Variants in ADGRL2 observed in about 807,000 individuals in gnomAD.
The protein encoded by ADGRL2 is adhesion G protein-coupled receptor L2.
ADGRL2 carries 44 observed loss-of-function variants against 157.4 expected under a neutral mutation model. That is an observed-to-expected ratio of 0.28 (90% CI 0.22 to 0.36). ADGRL2 has a LOEUF of 0.36. ADGRL2 is among the 10% of genes least tolerant of loss of function. The pLI is 1.00. For synonymous variants in ADGRL2, 585 were observed against 624.7 expected (o/e 0.94, Z 0.95); for missense variants, 1,510 against 1,768.9 (o/e 0.85, Z 2.63).
chr1:81,618,792 T>A (rs2081721696), intron 3 of ADGRL2, among the ~76,000 whole-genome samples: 1 of 152,222 alleles, frequency 6.6e-6, no homozygotes, highest in African/African-American at 2.4e-5. Flanking sequence ...AAAATACTTT[T>A]AATTATCTCA....
At chr1:81,663,456 G>A (rs2082697345) in intron 3 of ADGRL2, among the ~76,000 whole-genome samples, 1 of 152,172 alleles carries the variant, frequency 6.6e-6, no homozygotes, top group Non-Finnish European at 1.5e-5. Context: ...TCTCGGGAAT[G>A]CTTGTGCTAG....
intron 1 of ADGRL2, among the ~76,000 whole-genome samples, chr1:81,422,323 C>A (rs926302243): frequency 6.6e-6 from 1 of 152,172 alleles, no homozygotes; most frequent in African/African-American, 2.4e-5. Context: ...CAGCTCACTG[C>A]AATCTCCACC....
chr1:81,584,508 G>C (rs1570570402), intron 3 of ADGRL2, among the ~76,000 whole-genome samples: 1 of 152,114 alleles, frequency 6.6e-6, no homozygotes, highest in Non-Finnish European at 1.5e-5. Flanking sequence ...ATGTATGAAA[G>C]CACTTTTTCT....
At chr1:81,494,842 A>G (rs889929704) in intron 2 of ADGRL2, among the ~76,000 whole-genome samples, 3 of 152,162 alleles carry the variant, frequency 2.0e-5, no homozygotes, top group Non-Finnish European at 4.4e-5. Context: ...TTCAGAGCTG[A>G]CACATCCCAA....
chr1:81,521,519 AT>A (rs2079314372), intron 2 of ADGRL2, among the ~76,000 whole-genome samples: 1 of 152,196 alleles, frequency 6.6e-6, no homozygotes, highest in Non-Finnish European at 1.5e-5. Flanking sequence ...TGTAATAAAA[AT>A]ATCTTATACT....
intron 2 of ADGRL2, among the ~76,000 whole-genome samples, chr1:81,847,467 G>A (rs563325067): frequency 5.9e-5 from 9 of 151,828 alleles, no homozygotes; most frequent in Non-Finnish European, 1.0e-4. Context: ...GTTAAAAATC[G>A]AGGTTTGTTT....
chr1:81,323,388 A>G (rs1029178557), intron 1 of ADGRL2, among the ~76,000 whole-genome samples: 2 of 149,652 alleles, frequency 1.3e-5, no homozygotes, highest in Non-Finnish European at 3.0e-5. Context: ...CATAGGTACG[A>G]GCCATTGTAC....
At chr1:81,908,170 G>A (rs550230219) in intron 3 of ADGRL2, among the ~76,000 whole-genome samples, 212 of 152,216 alleles carry the variant, frequency 1.4e-3, no homozygotes, top group Non-Finnish European at 2.1e-3. Flanking sequence ...GTGTGTAGTA[G>A]GCTATACTAT....
chr1:81,721,261 A>T (rs1432224788), intron 1 of ADGRL2, among the ~76,000 whole-genome samples: 2 of 151,712 alleles, frequency 1.3e-5, no homozygotes, highest in Non-Finnish European at 2.9e-5. Flanking sequence ...TTATAATCAA[A>T]ATTTAACTCA....
upstream of ADGRL2, among the ~76,000 whole-genome samples, chr1:81,797,369 C>A (rs2087640531): frequency 1.3e-5 from 2 of 151,996 alleles, no homozygotes; most frequent in East Asian, 1.9e-4. Flanking sequence ...AAAATACACT[C>A]CCCATAATAG....
At chr1:81,543,149 G>A (rs2079928781) in intron 2 of ADGRL2, among the ~76,000 whole-genome samples, 1 of 151,998 alleles carries the variant, frequency 6.6e-6, no homozygotes, top group Non-Finnish European at 1.5e-5. Context: ...GAACATATAT[G>A]CTATGGTCTG....
intron 2 of ADGRL2, among the ~76,000 whole-genome samples, chr1:81,485,911 A>G (rs896962859): frequency 6.6e-6 from 1 of 152,192 alleles, no homozygotes; most frequent in Non-Finnish European, 1.5e-5. Context: ...TAACCTCCAC[A>G]AGATCAGACA....
chr1:81,736,159 A>AAAGGAGTC (rs2084895001), intron 1 of ADGRL2, among the ~76,000 whole-genome samples: 1 of 151,054 alleles, frequency 6.6e-6, no homozygotes, highest in African/African-American at 2.4e-5. Flanking sequence ...AAAAAAAAAA[A>AAAGGAGTC]AAGGAGTCAA....
At chr1:81,463,265 A>G (rs2077979458) in intron 2 of ADGRL2, among the ~76,000 whole-genome samples, 1 of 151,950 alleles carries the variant, frequency 6.6e-6, no homozygotes, top group Non-Finnish European at 1.5e-5. Context: ...CTCCTTTGCT[A>G]GATGCACCTG....
In ADGRL2 at chr1:81,395,333, TTGAGAGAGATGC is replaced by T. The variant is rs370720776; in HGVS notation, c.-301-49701_-301-49690del. Among the ~76,000 whole-genome samples, 594 of 152,300 alleles carry T rather than the reference TTGAGAGAGATGC, an allele frequency of 3.9e-3. 5 individuals carry two copies. Among genetic ancestry groups the T allele is most frequent in the African/African-American group, 0.013 (542 of 41,556 alleles). On this transcript the variant is annotated intron_variant, in intron 1 of 24. Transcript: ENST00000370721. ...TTCTTGGCCACTTGTATGTCTTTTTTTGAGAGAGATGCTTATTCAACTCATTTACCTATTTTC... is the reference window on the plus strand; with the variant it reads ...TTCTTGGCCACTTGTATGTCTTTTTTTTATTCAACTCATTTACCTATTTTC...
chr1:81,929,012 C>CT (rs1469477406), intron 3 of ADGRL2, among the ~76,000 whole-genome samples: 3 of 152,064 alleles, frequency 2.0e-5, no homozygotes, highest in African/African-American at 7.2e-5. Flanking sequence ...GATGCAGACT[C>CT]AATAAAGGAT....
intron 17 of ADGRL2, among the ~76,000 whole-genome samples, chr1:81,975,139 TTGTTTCATCCCCA>T (rs2149375666): frequency 6.6e-6 from 1 of 151,910 alleles, no homozygotes; most frequent in African/African-American, 2.4e-5. Context: ...CTTGAATGAG[TTGTTTCATCCCCA>T]GAATTAATTA....
intron 2 of ADGRL2, among the ~76,000 whole-genome samples, chr1:81,454,108 ATTAG>A (rs913585570): frequency 2.0e-5 from 3 of 152,118 alleles, no homozygotes; most frequent in Non-Finnish European, 2.9e-5. Context: ...CTATTTTGTC[ATTAG>A]TTAAAGTTAA....
intron 2 of ADGRL2, among the ~76,000 whole-genome samples, chr1:81,874,296 C>G (rs1431222675): frequency 1.3e-5 from 2 of 152,048 alleles, no homozygotes; most frequent in African/African-American, 4.8e-5. Context: ...TCAGTTGTAC[C>G]TTTTGGAACC....
Sources: gnomAD v4.1 joint callset for allele counts (sites outside exome capture counted in the v4.1 genomes callset) on GRCh38, gnomAD v4.1.1 for gene constraint, MANE v1.5 for transcripts, NCBI Gene and HGNC (gene_info 2026-07-23, HGNC 2026-07-21) for gene names.